STK3: variants seen among roughly 807,000 people sequenced by gnomAD.
STK3 encodes the protein serine/threonine kinase 3.
A neutral mutation model predicts 58.0 loss-of-function variants in STK3; 41 were observed. That is an observed-to-expected ratio of 0.71 (90% CI 0.55 to 0.92). The LOEUF is 0.92. Among genes scored for constraint, STK3 ranks in the 40% least tolerant of loss-of-function variants. The pLI is 0.00. For missense variants in STK3, 479 were observed against 602.7 expected (o/e 0.79, Z 2.15); for synonymous variants, 170 against 191.0 (o/e 0.89, Z 0.91).
chr8:98,473,024 A>T (rs1586647690), intron 10 of STK3, among the ~76,000 whole-genome samples: 2 of 152,198 alleles, frequency 1.3e-5, no homozygotes, highest in South Asian at 4.1e-4. Flanking sequence ...AAGTGCCTTC[A>T]AAAATTTGTT....
intron 8 of STK3, among the ~76,000 whole-genome samples, chr8:98,564,522 C>T (rs909840231): frequency 6.6e-6 from 1 of 152,102 alleles, no homozygotes; most frequent in African/African-American, 2.4e-5. Context: ...TCAATAAATA[C>T]AAAATTACAG....
At chr8:98,620,758 AACAC>A (rs1244660066) in intron 6 of STK3, among the ~76,000 whole-genome samples, 1 of 151,966 alleles carries the variant, frequency 6.6e-6, no homozygotes, top group Non-Finnish European at 1.5e-5. Flanking sequence ...TATTTTAAAA[AACAC>A]ACACACAAGA....
chr8:98,521,273 T>C (rs780371562), intron 10 of STK3, among the ~76,000 whole-genome samples: 1 of 152,162 alleles, frequency 6.6e-6, no homozygotes, highest in Non-Finnish European at 1.5e-5. Context: ...ATATGATCTC[T>C]TGATATCCCT....
At chr8:98,571,088 G>C (rs1449618732) in intron 8 of STK3, among the ~76,000 whole-genome samples, 4 of 152,160 alleles carry the variant, frequency 2.6e-5, no homozygotes, top group Non-Finnish European at 2.9e-5. Context: ...CCAGCACTTT[G>C]AGAGGCCAAG....
downstream of STK3, among the ~76,000 whole-genome samples, chr8:98,452,842 C>T (rs1428362571): frequency 8.6e-5 from 13 of 150,888 alleles, no homozygotes; most frequent in Non-Finnish European, 4.4e-5. Flanking sequence ...CTCACTGCAA[C>T]CTCCGCCTTC....
At chr8:98,744,833 T>A (rs943713934) in intron 4 of STK3, among the ~76,000 whole-genome samples, 1 of 151,706 alleles carries the variant, frequency 6.6e-6, no homozygotes, top group African/African-American at 2.4e-5. Flanking sequence ...ATAACTTTAG[T>A]AGGACAGGCT....
At chr8:98,883,284 C>T (rs953795469), downstream of STK3, 2 of 171,676 alleles carry the variant, frequency 1.2e-5, no homozygotes, top group African/African-American at 2.4e-5. Flanking sequence ...TGCCTCCAGG[C>T]AAGTCTGATG....
chr8:98,607,213 TA>T (rs1816847183), intron 6 of STK3, among the ~76,000 whole-genome samples: 1 of 152,254 alleles, frequency 6.6e-6, no homozygotes, highest in African/African-American at 2.4e-5. Context: ...ACTGTTTCTC[TA>T]ACAGCTTTTC....
At chr8:98,568,063 T>TA (rs1554621529) in intron 8 of STK3, among the ~76,000 whole-genome samples, 1 of 146,466 alleles carries the variant, frequency 6.8e-6, no homozygotes, top group Non-Finnish European at 1.5e-5. Flanking sequence ...CTTAGATAGA[T>TA]GATAGATAGA....
intron 3 of STK3, among the ~76,000 whole-genome samples, chr8:98,837,893 C>T (rs568001472): frequency 6.6e-6 from 1 of 152,168 alleles, no homozygotes; most frequent in South Asian, 2.1e-4. Flanking sequence ...GATTGCACCA[C>T]TCCACTCCAG....
chr8:98,618,263 A>G (rs1272688530), intron 6 of STK3, among the ~76,000 whole-genome samples: 4 of 148,436 alleles, frequency 2.7e-5, no homozygotes, highest in Non-Finnish European at 4.5e-5. Context: ...AAATTCAACA[A>G]CCCTTCATGC....
At chr8:98,584,353 G>GT (rs1412197772) in intron 7 of STK3, among the ~76,000 whole-genome samples, 8 of 151,318 alleles carry the variant, frequency 5.3e-5, no homozygotes, top group African/African-American at 1.7e-4. Context: ...ACGGTGTTTG[G>GT]TTTTTTGTTC....
At chr8:98,667,379 C>T (rs1215293520) in intron 6 of STK3, among the ~76,000 whole-genome samples, 2 of 152,086 alleles carry the variant, frequency 1.3e-5, no homozygotes, top group Admixed American at 1.3e-4. Flanking sequence ...AAACAGGTGT[C>T]ATCAAATTCA....
chr8:98,822,900 C>T (rs367705731), intron 1 of STK3, among the ~76,000 whole-genome samples: 187 of 152,268 alleles, frequency 1.2e-3, no homozygotes, highest in African/African-American at 4.3e-3. Context: ...TGGTGGCGCC[C>T]GCCTGTAATC....
At chr8:98,443,859 T>C (rs562009555) in intron 1 of STK3, among the ~76,000 whole-genome samples, 1 of 152,208 alleles carries the variant, frequency 6.6e-6, no homozygotes, top group Non-Finnish European at 1.5e-5. Flanking sequence ...AATTCCACAA[T>C]AGTTGAAGAC....
chr8:98,746,336 T>C (rs1829639262), intron 4 of STK3, among the ~76,000 whole-genome samples: 1 of 152,038 alleles, frequency 6.6e-6, no homozygotes, highest in South Asian at 2.1e-4. Context: ...CAATATAAAA[T>C]AGAAAGAGAC....
chr8:98,808,660 T>C (rs575578420), intron 1 of STK3, among the ~76,000 whole-genome samples: 3 of 152,346 alleles, frequency 2.0e-5, no homozygotes, highest in South Asian at 2.1e-4. Flanking sequence ...TCCCAAACTT[T>C]TTCATCATCT....
At chr8:98,679,262 C>G (rs931124791) in intron 6 of STK3, among the ~76,000 whole-genome samples, 1 of 152,198 alleles carries the variant, frequency 6.6e-6, no homozygotes, top group African/African-American at 2.4e-5. Context: ...ACCTTCTAGG[C>G]TCTATGATCT....
intron 1 of STK3, among the ~76,000 whole-genome samples, chr8:98,885,429 TTGTTTTGTTTTG>T (rs1313613886): frequency 3.8e-5 from 5 of 132,100 alleles, no homozygotes; most frequent in Non-Finnish European, 7.2e-5. Flanking sequence ...GTTTTTGTTT[TTGTTTTGTTTTG>T]TGTTTTGTTT....
Sources: allele counts gnomAD v4.1 joint callset (sites outside exome capture counted in the v4.1 genomes callset), GRCh38; gene constraint gnomAD v4.1.1; transcripts MANE v1.5; gene names NCBI Gene and HGNC (gene_info 2026-07-23, HGNC 2026-07-21).